Variants in BRINP2 observed in about 807,000 individuals in gnomAD.
BRINP2 encodes the protein BMP/retinoic acid-inducible neural-specific protein 2.
BRINP2 carries 21 observed loss-of-function variants against 69.2 expected under a neutral mutation model. That is an observed-to-expected ratio of 0.30 (90% CI 0.22 to 0.44). The LOEUF is 0.44. BRINP2 is among the 20% of genes least tolerant of loss of function. The pLI, the probability that BRINP2 is intolerant of heterozygous loss-of-function variation, is 1.00. For synonymous variants in BRINP2, 380 were observed against 394.1 expected, an observed-to-expected ratio of 0.96 and a Z score of 0.42; for missense variants, 877 against 986.0, an observed-to-expected ratio of 0.89 and a Z score of 1.48.
intron 4 of BRINP2, among the ~76,000 whole-genome samples, chr1:177,261,296 C>A (rs539742680): frequency 4.6e-5 from 7 of 152,244 alleles, no homozygotes; most frequent in South Asian, 4.1e-4. Context: ...AGTGCAGTGG[C>A]TATTGCAGTG....
chr1:177,246,042 G>C (rs898042042), intron 2 of BRINP2, among the ~76,000 whole-genome samples: 1 of 152,160 alleles, frequency 6.6e-6, no homozygotes, highest in African/African-American at 2.4e-5. Context: ...TCCATGCCAG[G>C]CTTCTTGAAT....
intron 1 of BRINP2, among the ~76,000 whole-genome samples, chr1:177,175,601 A>G (rs1462045331): frequency 6.6e-6 from 1 of 152,164 alleles, no homozygotes; most frequent in East Asian, 1.9e-4. Flanking sequence ...GCCCCATTCC[A>G]ACATAGAGGA....
intron 1 of BRINP2, among the ~76,000 whole-genome samples, chr1:177,183,528 G>T (rs1384930588): frequency 6.6e-6 from 1 of 152,118 alleles, no homozygotes; most frequent in Non-Finnish European, 1.5e-5. Context: ...AGGAAAAATG[G>T]ACTCATCATG....
At chr1:177,273,191 G>A (rs1651385391) in intron 4 of BRINP2, among the ~76,000 whole-genome samples, 1 of 152,132 alleles carries the variant, frequency 6.6e-6, no homozygotes, top group African/African-American at 2.4e-5. Flanking sequence ...TAGAGCTTAA[G>A]GTTTCACTCC....
intron 1 of BRINP2, among the ~76,000 whole-genome samples, chr1:177,224,858 A>G (rs1400309388): frequency 6.6e-6 from 1 of 152,218 alleles, no homozygotes; most frequent in Non-Finnish European, 1.5e-5. Flanking sequence ...GTTACCTACA[A>G]TATTACTCTC....
chr1:177,227,622 T>TTC (rs1649736464), intron 1 of BRINP2, among the ~76,000 whole-genome samples: 1 of 152,076 alleles, frequency 6.6e-6, no homozygotes, highest in African/African-American at 2.4e-5. Flanking sequence ...TTTTTTTTTT[T>TTC]CATGGTAATG....
At chr1:177,255,150 T>C (rs1356806980) in intron 2 of BRINP2, among the ~76,000 whole-genome samples, 1 of 152,260 alleles carries the variant, frequency 6.6e-6, no homozygotes, top group African/African-American at 2.4e-5. Flanking sequence ...TCCACAATTA[T>C]GAAAACAGAT....
chr1:177,184,818 T>A (rs1009819685), intron 1 of BRINP2, among the ~76,000 whole-genome samples: 2 of 152,160 alleles, frequency 1.3e-5, no homozygotes, highest in Non-Finnish European at 2.9e-5. Context: ...TTAACAAGAA[T>A]CTTTCCTATT....
chr1:177,197,622 A>G (rs1648785347), intron 1 of BRINP2, among the ~76,000 whole-genome samples: 1 of 152,180 alleles, frequency 6.6e-6, no homozygotes, highest in African/African-American at 2.4e-5. Context: ...TCCAGCCTCT[A>G]CAACTGTGAG....
chr1:177,235,615 C>G (rs946225705), intron 2 of BRINP2, among the ~76,000 whole-genome samples: 3 of 152,150 alleles, frequency 2.0e-5, no homozygotes, highest in Non-Finnish European at 4.4e-5. Context: ...ATTTATCATC[C>G]GGACCACGTC....
At chr1:177,252,419 A>G (rs1650611459) in intron 2 of BRINP2, among the ~76,000 whole-genome samples, 1 of 152,088 alleles carries the variant, frequency 6.6e-6, no homozygotes, top group African/African-American at 2.4e-5. Context: ...TTATTCATGT[A>G]TTTATAATTT....
chr1:177,197,727 G>T (rs182482661), intron 1 of BRINP2, among the ~76,000 whole-genome samples: 4 of 152,250 alleles, frequency 2.6e-5, no homozygotes, highest in Admixed American at 2.0e-4. Flanking sequence ...AAGGAAGAAA[G>T]ATCATATGCA....
chr1:177,220,442 CCT>C (rs747835365), intron 1 of BRINP2, among the ~76,000 whole-genome samples: 59 of 148,954 alleles, frequency 4.0e-4, no homozygotes, highest in Non-Finnish European at 4.9e-4. Flanking sequence ...ACCTCCCCCA[CCT>C]CTCTCTCTCT....
chr1:177,281,739 CTGG>C lies in BRINP2; in HGVS notation c.*212_*214del. The C allele has an allele frequency of 2.0e-6, 1 of 509,204 alleles. No individual in the cohort carries two copies. Among genetic ancestry groups the C allele is most frequent in the Non-Finnish European group, 3.3e-6 (1 of 299,016 alleles). 31.5% of individuals were successfully genotyped at this position (509,204 alleles called of 1,614,324 possible). A position where few individuals can be genotyped will look rare whatever the true frequency, so the allele number is the denominator to read the frequency against. ...ACGCATACACACACACACACACACACTGGCACAGGGAGGCTACAACTAAGCAGC... is the reference window on the plus strand; with the variant it reads ...ACGCATACACACACACACACACACACCACAGGGAGGCTACAACTAAGCAGC... On this transcript the variant is annotated 3_prime_UTR_variant, in exon 8 of 8. Transcript: ENST00000361539.
At chr1:177,226,673 G>A (rs533923751) in intron 1 of BRINP2, among the ~76,000 whole-genome samples, 36 of 152,310 alleles carry the variant, frequency 2.4e-4, no homozygotes, top group African/African-American at 8.4e-4. Flanking sequence ...GGTGTCACCA[G>A]ACTGAAATCC....
chr1:177,177,039 G>T (rs551137136), intron 1 of BRINP2, among the ~76,000 whole-genome samples: 4 of 152,150 alleles, frequency 2.6e-5, no homozygotes, highest in Non-Finnish European at 5.9e-5. Context: ...ATCATTCCTT[G>T]TGAGAGCTTT....
At chr1:177,229,103 G>A (rs954945033) in intron 1 of BRINP2, among the ~76,000 whole-genome samples, 1 of 152,190 alleles carries the variant, frequency 6.6e-6, no homozygotes, top group East Asian at 1.9e-4. Flanking sequence ...CTCCGATGAC[G>A]CTATATGCAA....
rs1651712458 is a variant in BRINP2 at position 177,281,740 on chromosome 1, T to A, written c.*212T>A. 4 of 460,194 alleles carry A rather than the reference T, an allele frequency of 8.7e-6. No homozygotes were observed. The highest frequency in any genetic ancestry group is 5.0e-5 in the South Asian group (1 of 20,042). The allele number at this position is 460,194 out of a possible 1,614,324, so 28.5% of individuals were successfully genotyped here. ...CGCATACACACACACACACACACAC[T>A]GGCACAGGGAGGCTACAACTAAGCA... On this transcript the variant is annotated 3_prime_UTR_variant, in exon 8 of 8. Transcript: ENST00000361539.
intron 2 of BRINP2, among the ~76,000 whole-genome samples, chr1:177,246,500 T>G (rs182620711): frequency 6.6e-6 from 1 of 152,344 alleles, no homozygotes; most frequent in African/African-American, 2.4e-5. Flanking sequence ...AAAAATTGTG[T>G]GCAAAAAACA....
Sources: allele counts gnomAD v4.1 joint callset (sites outside exome capture counted in the v4.1 genomes callset), GRCh38; gene constraint gnomAD v4.1.1; transcripts MANE v1.5; gene names NCBI Gene and HGNC (gene_info 2026-07-23, HGNC 2026-07-21).